LIN7A: variants seen among roughly 807,000 people sequenced by gnomAD.
The protein encoded by LIN7A is protein lin-7 homolog A.
In LIN7A, 25 loss-of-function variants were observed where a neutral mutation model predicts 29.8. That is an observed-to-expected ratio of 0.84 (90% CI 0.61 to 1.17). The LOEUF is 1.17. LIN7A is among the 50% of genes most tolerant of loss of function. The pLI is 0.00. For synonymous variants in LIN7A, 118 were observed against 107.5 expected (o/e 1.10, Z -0.60); for missense variants, 239 against 287.0 (o/e 0.83, Z 1.21).
chr12:80,803,020 C>A (rs1454039848), intron 5 of LIN7A, among the ~76,000 whole-genome samples: 1 of 152,168 alleles, frequency 6.6e-6, no homozygotes, highest in Admixed American at 6.6e-5. Context: ...AAGTTCCATA[C>A]ATATTTTGGA....
chr12:80,912,333 T>C lies in LIN7A; in HGVS notation c.83-22964A>G, dbSNP rs150130202. Among the ~76,000 whole-genome samples the C allele has an allele frequency of 6.6e-5, 10 of 152,292 alleles. No homozygotes were observed. In the East Asian group the frequency reaches 1.9e-3, roughly 29 times the overall value. ...TGGGGGGGATATATAATACCTAATA[T>C]AATAATTACATTCAAGAAACATTTG... is the stretch of plus-strand genomic sequence containing the variant. On this transcript the variant is annotated intron_variant, in intron 1 of 5. Coordinates refer to ENST00000552864, the MANE Select transcript of LIN7A (RefSeq NM_004664.4).
chr12:80,826,876 A>T, intron 4 of LIN7A, among the ~76,000 whole-genome samples: 1 of 152,110 alleles, frequency 6.6e-6, no homozygotes, highest in South Asian at 2.1e-4. Context: ...GAGTAGAAAG[A>T]ACACAACTAT....
At chr12:80,825,668 A>G (rs1457910923) in intron 4 of LIN7A, among the ~76,000 whole-genome samples, 2 of 152,174 alleles carry the variant, frequency 1.3e-5, no homozygotes, top group Admixed American at 6.5e-5. Context: ...ACATCATCCT[A>G]TCTCCTCTTC....
rs1472900753 is a variant in LIN7A, at chr12:80,816,475, T to C, written c.484-4792A>G. ...ACTATTATATACATTAGTTATTATA[T>C]ACAATAGTTATATATATATATGGAG... On this transcript the variant is annotated intron_variant, in intron 4 of 5. Coordinates refer to ENST00000552864, the MANE Select transcript of LIN7A (RefSeq NM_004664.4). 2.8e-5 allele frequency among the ~76,000 whole-genome samples: 4 copies of C among 141,834 alleles called. No homozygotes were observed. The South Asian group carries it at 6.6e-4, about 23-fold the overall frequency. 93.0% of individuals were successfully genotyped at this position (141,834 alleles called of 152,430 possible). A position where few individuals can be genotyped will look rare whatever the true frequency, so the allele number is the denominator to read the frequency against.
chr12:80,885,199 C>T (rs1003161439), intron 2 of LIN7A, among the ~76,000 whole-genome samples: 1 of 151,974 alleles, frequency 6.6e-6, no homozygotes, highest in East Asian at 1.9e-4. Context: ...CAGTTGTCTT[C>T]GGGAATTCTC....
intron 2 of LIN7A, among the ~76,000 whole-genome samples, chr12:80,855,914 A>C (rs1206016715): frequency 6.6e-6 from 1 of 152,170 alleles, no homozygotes; most frequent in Non-Finnish European, 1.5e-5. Flanking sequence ...TCATTTTGAA[A>C]ACCTGGCAGC....
chr12:80,869,153 T>TAAAC (rs1874298272), intron 2 of LIN7A, among the ~76,000 whole-genome samples: 1 of 115,982 alleles, frequency 8.6e-6, no homozygotes, highest in Admixed American at 7.9e-5. Flanking sequence ...TAAATAAATA[T>TAAAC]ATATATATAT....
At chr12:80,837,101 G>A (rs77203078) in intron 4 of LIN7A, among the ~76,000 whole-genome samples, 1 of 152,128 alleles carries the variant, frequency 6.6e-6, no homozygotes, top group African/African-American at 2.4e-5. Flanking sequence ...GAGTAGAGTG[G>A]AAAATATTCA....
intron 2 of LIN7A, among the ~76,000 whole-genome samples, chr12:80,848,644 A>C (rs190474143): frequency 2.1e-3 from 316 of 152,216 alleles, no homozygotes; most frequent in African/African-American, 7.3e-3. Flanking sequence ...AAAAAAAAAA[A>C]CTTAAAGGAT....
intron 1 of LIN7A, among the ~76,000 whole-genome samples, chr12:80,916,116 A>G (rs1288335407): frequency 6.6e-6 from 1 of 152,202 alleles, no homozygotes; most frequent in Non-Finnish European, 1.5e-5. Flanking sequence ...TTCTGCTACT[A>G]GCCTGATCCC....
At chr12:80,924,579 G>T (rs528545183) in intron 1 of LIN7A, among the ~76,000 whole-genome samples, 4 of 152,280 alleles carry the variant, frequency 2.6e-5, no homozygotes, top group East Asian at 1.9e-4. Flanking sequence ...GCAGGTCAAG[G>T]TTATATGGCT....
Position 80,908,532 on chromosome 12 carries a change from A to G in LIN7A, c.83-19163T>C, listed in dbSNP as rs920670347. Among the ~76,000 whole-genome samples the G allele has an allele frequency of 5.3e-5, 8 of 152,182 alleles. No homozygotes were observed. In the South Asian group the frequency reaches 1.7e-3, roughly 32 times the overall value. ...ATCAAGTAAAATGTAATTACTGGAG[A>G]GAGATGACTTAAGGTATTGAGACTA... On this transcript the variant is annotated intron_variant, in intron 1 of 5. Transcript: ENST00000552864.
chr12:80,909,391 A>G (rs1876641091), intron 1 of LIN7A, among the ~76,000 whole-genome samples: 1 of 152,184 alleles, frequency 6.6e-6, no homozygotes, highest in Non-Finnish European at 1.5e-5. Flanking sequence ...TTTTGAACTA[A>G]AGCAGTAATG....
intron 2 of LIN7A, among the ~76,000 whole-genome samples, chr12:80,884,711 A>G (rs1038433016): frequency 1.3e-5 from 2 of 152,206 alleles, no homozygotes; most frequent in African/African-American, 2.4e-5. Flanking sequence ...AATGACAGTC[A>G]TTCCATATAG....
chr12:80,846,891 AT>A, intron 3 of LIN7A, among the ~76,000 whole-genome samples: 1 of 152,314 alleles, frequency 6.6e-6, no homozygotes, highest in East Asian at 1.9e-4. Flanking sequence ...ACTTTTATTA[AT>A]TCACCTTGAT....
At chr12:80,842,327 G>A (rs1035816060) in intron 4 of LIN7A, among the ~76,000 whole-genome samples, 1 of 151,988 alleles carries the variant, frequency 6.6e-6, no homozygotes, top group African/African-American at 2.4e-5. Context: ...GACATCTGAT[G>A]TGTTGTCCTG....
chr12:80,934,686 T>A (rs1878110525), intron 1 of LIN7A, among the ~76,000 whole-genome samples: 1 of 152,212 alleles, frequency 6.6e-6, no homozygotes, highest in Non-Finnish European at 1.5e-5. Flanking sequence ...TCAATTGTAA[T>A]ATAAAAATCT....
chr12:80,908,426 G>A (rs987058567), intron 1 of LIN7A, among the ~76,000 whole-genome samples: 1 of 151,820 alleles, frequency 6.6e-6, no homozygotes, highest in Non-Finnish European at 1.5e-5. Flanking sequence ...CTAAATGAAT[G>A]CCACATTTTA....
intron 2 of LIN7A, among the ~76,000 whole-genome samples, chr12:80,885,194 G>T (rs1017829138): frequency 2.0e-5 from 3 of 152,036 alleles, no homozygotes; most frequent in Non-Finnish European, 4.4e-5. Context: ...CAATTCAGTT[G>T]TCTTCGGGAA....
Sources: allele counts gnomAD v4.1 joint callset (sites outside exome capture counted in the v4.1 genomes callset), GRCh38; gene constraint gnomAD v4.1.1; transcripts MANE v1.5; gene names NCBI Gene and HGNC (gene_info 2026-07-23, HGNC 2026-07-21).